Variants in ZMYM1 observed in about 807,000 individuals in gnomAD.
ZMYM1 encodes zinc finger MYM-type protein 1.
Under a neutral mutation model 60.0 loss-of-function variants are expected in ZMYM1, and 39 were observed. That is an observed-to-expected ratio of 0.65 (90% CI 0.50 to 0.85). The LOEUF (loss-of-function observed/expected upper bound fraction) is 0.85. Among genes scored for constraint, ZMYM1 ranks in the 40% least tolerant of loss-of-function variants. ZMYM1 has a pLI of 0.00. For synonymous variants in ZMYM1, 413 were observed against 454.0 expected (o/e 0.91, Z 1.15); for missense variants, 1,171 against 1,309.5 (o/e 0.89, Z 1.63).
chr1:35,064,687 T>C (rs1641937829), intron 1 of ZMYM1, among the ~76,000 whole-genome samples: 1 of 93,108 alleles, frequency 1.1e-5, no homozygotes, highest in Admixed American at 9.4e-5. Flanking sequence ...AATATATTTC[T>C]TTTTTTTTTT....
At chr1:35,118,191 A>C (rs1449438709), downstream of ZMYM1, among the ~76,000 whole-genome samples, 1 of 150,634 alleles carries the variant, frequency 6.6e-6, no homozygotes, top group Admixed American at 6.6e-5. Flanking sequence ...CAGTGAGCCA[A>C]GATCGTGCCA....
chr1:35,111,486 T>G (rs1001134056), intron 7 of ZMYM1, among the ~76,000 whole-genome samples: 3 of 152,126 alleles, frequency 2.0e-5, no homozygotes, highest in Non-Finnish European at 4.4e-5. Context: ...CACAGAAAAA[T>G]TTGCTCATAA....
At chr1:35,097,708 G>T (rs767833389) in intron 4 of ZMYM1, 142 bp downstream of exon 4, 2 of 981,490 alleles carry the variant, frequency 2.0e-6, no homozygotes, top group Non-Finnish European at 3.0e-6. Flanking sequence ...GCAGTGGCAC[G>T]ATCTCGGCTC....
intron 1 of ZMYM1, among the ~76,000 whole-genome samples, chr1:35,064,686 CTTTTTTTTTTTTTT>C (rs34080777): frequency 1.8e-5 from 2 of 113,004 alleles, no homozygotes; most frequent in African/African-American, 8.0e-5. Context: ...CAATATATTT[CTTTTTTTTTTTTTT>C]TTTTTTTTGA....
chr1:35,063,130 T>C (rs1005484750), intron 1 of ZMYM1, among the ~76,000 whole-genome samples: 3 of 151,348 alleles, frequency 2.0e-5, no homozygotes, highest in Non-Finnish European at 3.0e-5. Context: ...CCTTTTCTTT[T>C]TTTTTTTTTT....
intron 1 of ZMYM1, among the ~76,000 whole-genome samples, chr1:35,064,292 C>CAAAAAAAAAA (rs371084383): frequency 4.4e-4 from 24 of 54,396 alleles, no homozygotes; most frequent in Non-Finnish European, 7.1e-4. Context: ...GATCCTGTCT[C>CAAAAAAAAAA]AAAAAAAAAA....
In ZMYM1 at chr1:35,112,374, C is replaced by T. The variant is rs1016122901; in HGVS notation, c.1146+244C>T. 4.6e-5 allele frequency among the ~76,000 whole-genome samples: 7 copies of T among 151,242 alleles called. No homozygotes were observed. In the East Asian group the frequency reaches 7.7e-4, roughly 17 times the overall value. ...TGTATTTTTAGTAGAGAAGGGGTTT[C>T]ACCATGTTGGCCAACCTGGTCTCGA... On this transcript the variant is annotated intron_variant, in intron 9 of 9. Transcript: ENST00000359858.
intron 6 of ZMYM1, 118 bp downstream of exon 6, chr1:35,104,887 A>G: frequency 1.4e-6 from 1 of 738,448 alleles, no homozygotes; most frequent in Non-Finnish European, 2.2e-6. Flanking sequence ...GTTGATGAAG[A>G]TGAAATAGAA....
At chr1:35,118,783 C>T (rs1042198790), downstream of ZMYM1, among the ~76,000 whole-genome samples, 2 of 152,052 alleles carry the variant, frequency 1.3e-5, no homozygotes, top group African/African-American at 2.4e-5. Flanking sequence ...TATTATACAG[C>T]CAATAATGTA....
chr1:35,064,169 T>G (rs755082706), intron 1 of ZMYM1, among the ~76,000 whole-genome samples: 7 of 150,526 alleles, frequency 4.7e-5, no homozygotes, highest in African/African-American at 7.3e-5. Context: ...ACTAAAAATA[T>G]AAAAATCAGC....
Position 35,094,070 on chromosome 1 carries a change from C to T in ZMYM1, c.83C>T (p.Pro28Leu), listed in dbSNP as rs772435627. ...CTGCTAGATGAAATTAAGACAGAAC[C>T]CGACAATGCTCAAGTAAATATTTTC... ...LGLLDEIKTE[P>L]DNAQEYCHRQ... Residue 28 changes from proline (P) to leucine (L), a missense_variant, in exon 2 of 10, where the codon CCC (proline) becomes CTC (leucine). Pro to Leu is a moderately conservative substitution (Grantham distance 98). Transcript: ENST00000359858. The T allele has an allele frequency of 1.2e-6, 2 of 1,609,062 alleles. No homozygotes were observed. Among genetic ancestry groups the T allele is most frequent in the South Asian group, 1.1e-5 (1 of 90,328 alleles).
intron 1 of ZMYM1, among the ~76,000 whole-genome samples, chr1:35,087,433 T>C (rs1168450593): frequency 2.3e-3 from 13 of 5,676 alleles, no homozygotes. Context: ...TGCATTTTCT[T>C]TTTTTTTTTT....
At chr1:35,085,181 G>A (rs1642590467) in intron 1 of ZMYM1, among the ~76,000 whole-genome samples, 1 of 151,922 alleles carries the variant, frequency 6.6e-6, no homozygotes, top group Admixed American at 6.6e-5. Flanking sequence ...CGAAGTAGCT[G>A]GGACTACAGG....
chr1:35,063,013 G>A (rs1465809815), intron 1 of ZMYM1, among the ~76,000 whole-genome samples: 1 of 152,080 alleles, frequency 6.6e-6, no homozygotes, highest in Non-Finnish European at 1.5e-5. Context: ...GGCTTTCTTG[G>A]CAGCTCTCCT....
At chr1:35,080,978 T>C (rs887475337) in intron 1 of ZMYM1, among the ~76,000 whole-genome samples, 1 of 152,122 alleles carries the variant, frequency 6.6e-6, no homozygotes, top group African/African-American at 2.4e-5. Context: ...CATTTCACTC[T>C]TGTCTCCCAG....
chr1:35,115,281 C>A lies in ZMYM1; in HGVS notation c.*22C>A. On this transcript the variant is annotated 3_prime_UTR_variant, in exon 10 of 10. Coordinates refer to ENST00000359858, the MANE Select transcript of ZMYM1 (RefSeq NM_024772.5). ...ATAATACATGCTCATTTGAACTTAC[C>A]TAAAAGACTTGTATTTCCATTGGGA... 6.6e-7 allele frequency: 1 copy of A among 1,514,526 alleles called. No individual in the cohort carries two copies. Among genetic ancestry groups the A allele is most frequent in the Non-Finnish European group, 8.8e-7 (1 of 1,138,826 alleles). The allele number at this position is 1,514,526 out of a possible 1,614,324, so 93.8% of individuals were successfully genotyped here.
intron 9 of ZMYM1, among the ~76,000 whole-genome samples, chr1:35,112,520 A>T (rs1189701151): frequency 2.1e-5 from 3 of 145,042 alleles, no homozygotes; most frequent in Non-Finnish European, 4.5e-5. Context: ...ATAATATATA[A>T]AAATATAAAT....
At chr1:35,081,313 G>A (rs547724906) in intron 1 of ZMYM1, among the ~76,000 whole-genome samples, 1 of 152,110 alleles carries the variant, frequency 6.6e-6, no homozygotes, top group South Asian at 2.1e-4. Context: ...ACTCTGTTTT[G>A]TTTTTGCTTG....
intron 4 of ZMYM1, among the ~76,000 whole-genome samples, chr1:35,102,899 T>G (rs954265566): frequency 1.2e-4 from 19 of 152,202 alleles, no homozygotes; most frequent in Admixed American, 4.6e-4. Flanking sequence ...TTAAATGTAC[T>G]TAAGGATGAA....
Sources: allele counts gnomAD v4.1 joint callset (sites outside exome capture counted in the v4.1 genomes callset), GRCh38; gene constraint gnomAD v4.1.1; transcripts MANE v1.5; gene names NCBI Gene and HGNC (gene_info 2026-07-23, HGNC 2026-07-21).